The following XDH variants were observed in gnomAD, a reference collection of about 807,000 sequenced individuals.
The protein encoded by XDH is xanthine dehydrogenase/oxidase.
A neutral mutation model predicts 156.1 loss-of-function variants in XDH; 138 were observed. The observed-to-expected ratio is 0.88, with a 90% CI of 0.77 to 1.02. The LOEUF (loss-of-function observed/expected upper bound fraction) is 1.02. Among genes scored for constraint, XDH ranks in the 50% least tolerant of loss-of-function variants. The pLI, the probability that XDH is intolerant of heterozygous loss-of-function variation, is 0.00. For missense variants in XDH, 1,849 were observed against 1,684.9 expected, an observed-to-expected ratio of 1.10 and a Z score of -1.71; for synonymous variants, 669 against 625.7, an observed-to-expected ratio of 1.07 and a Z score of -1.03.
intron 24 of XDH, among the ~76,000 whole-genome samples, chr2:31,363,832 G>T (rs576204139): frequency 6.6e-6 from 1 of 151,976 alleles, no homozygotes; most frequent in African/African-American, 2.4e-5. Flanking sequence ...ATTAGTATTA[G>T]TTTATATGTT....
chr2:31,398,334 A>G (rs1243143106), intron 5 of XDH, among the ~76,000 whole-genome samples: 2 of 152,216 alleles, frequency 1.3e-5, no homozygotes, highest in Non-Finnish European at 2.9e-5. Context: ...AGGCAGACAG[A>G]CACCTCAGAA....
At chr2:31,396,191 TC>T (rs1419439585) in intron 6 of XDH, among the ~76,000 whole-genome samples, 1 of 152,226 alleles carries the variant, frequency 6.6e-6, no homozygotes, top group Non-Finnish European at 1.5e-5. Context: ...CTTGCTCTGC[TC>T]TGCACTGCAG....
chr2:31,377,830 G>C (rs1289467781), intron 13 of XDH, among the ~76,000 whole-genome samples: 1 of 150,786 alleles, frequency 6.6e-6, no homozygotes, highest in Admixed American at 6.6e-5. Context: ...GACCAGCCTA[G>C]GCAACATAGT....
intron 4 of XDH, among the ~76,000 whole-genome samples, chr2:31,399,006 T>A (rs941280390): frequency 4.6e-5 from 7 of 152,216 alleles, no homozygotes; most frequent in Non-Finnish European, 8.8e-5. Flanking sequence ...AGTCAGCCAG[T>A]GTTAGCTATG....
At chr2:31,391,912 G>C (rs1289770561) in intron 6 of XDH, among the ~76,000 whole-genome samples, 2 of 152,156 alleles carry the variant, frequency 1.3e-5, no homozygotes, top group Non-Finnish European at 1.5e-5. Flanking sequence ...TGTTTGATAG[G>C]ATTTACCAGT....
intron 1 of XDH, among the ~76,000 whole-genome samples, chr2:31,412,215 G>C (rs957641436): frequency 1.1e-4 from 16 of 152,126 alleles, no homozygotes; most frequent in African/African-American, 3.9e-4. Context: ...TCTGACTCTA[G>C]AACAAAAGAA....
intron 31 of XDH, among the ~76,000 whole-genome samples, chr2:31,343,793 A>C (rs904261920): frequency 2.2e-4 from 32 of 143,748 alleles, no homozygotes; most frequent in African/African-American, 8.0e-4. Flanking sequence ...TTTATGCCTT[A>C]TATGTATAAA....
chr2:31,395,988 T>C lies in XDH; in HGVS notation c.495+1680A>G, dbSNP rs144393712. On this transcript the variant is annotated intron_variant, in intron 6 of 35. Transcript: ENST00000379416. The stretch of plus-strand genomic sequence containing the variant: ...TCGCCGTGAGCAGTGTGCCCACCTC[T>C]AGTTGACCCTCCACACGCTTTCTAG... Among the ~76,000 whole-genome samples the C allele has an allele frequency of 1.5e-3, 233 of 152,328 alleles. 3 individuals carry two copies. Among genetic ancestry groups the C allele is most frequent in the Admixed American group, 5.1e-3 (78 of 15,300 alleles).
intron 3 of XDH, among the ~76,000 whole-genome samples, chr2:31,401,919 G>T (rs754971657): frequency 4.6e-5 from 7 of 152,194 alleles, no homozygotes; most frequent in Non-Finnish European, 1.0e-4. Flanking sequence ...CAGGCACTCT[G>T]CTGAGGGCTG....
At chr2:31,362,251 G>A (rs1685798460) in intron 24 of XDH, among the ~76,000 whole-genome samples, 1 of 152,066 alleles carries the variant, frequency 6.6e-6, no homozygotes, top group Non-Finnish European at 1.5e-5. Context: ...GGGAGCAGAT[G>A]TACTAGTGGA....
rs1685146635 is a variant in XDH, at chr2:31,342,316, G to A, written c.3405-19C>T. On this transcript the variant is annotated intron_variant, in intron 31 of 35. Transcript: ENST00000379416. ...GGGTGTTCTGGGAGAGGAAAGAGAAGGTACTGCACATGTATTAACATGAAC... is the reference window on the plus strand; with the variant it reads ...GGGTGTTCTGGGAGAGGAAAGAGAAAGTACTGCACATGTATTAACATGAAC... 5.6e-6 allele frequency: 9 copies of A among 1,600,762 alleles called. No homozygotes were observed. Among genetic ancestry groups the A allele is most frequent in the Non-Finnish European group, 6.8e-6 (8 of 1,168,612 alleles).
At chr2:31,360,164 T>C (rs191433078) in intron 24 of XDH, among the ~76,000 whole-genome samples, 8 of 152,344 alleles carry the variant, frequency 5.3e-5, no homozygotes, top group Admixed American at 2.6e-4. Flanking sequence ...GGTCCAAACA[T>C]ATTATGTGGA....
chr2:31,350,839 T>A (rs1261870679), intron 24 of XDH, among the ~76,000 whole-genome samples: 1 of 152,214 alleles, frequency 6.6e-6, no homozygotes, highest in Non-Finnish European at 1.5e-5. Context: ...GAAACAGCCA[T>A]GAAAGTTGTA....
chr2:31,402,792 G>T (rs921932072), intron 3 of XDH, among the ~76,000 whole-genome samples: 10 of 152,124 alleles, frequency 6.6e-5, no homozygotes, highest in African/African-American at 9.7e-5. Flanking sequence ...CTATTGAAGG[G>T]CTTTATGGAA....
In XDH at chr2:31,383,094, A is replaced by G. The variant is rs759232587; in HGVS notation, c.945T>C (p.Ala315=). The change falls in exon 11 of 36, where the codon GCT becomes GCC. Residue 315 remains alanine (A), a synonymous_variant. Transcript: ENST00000379416. The stretch of plus-strand genomic sequence containing the variant: ...TCTTTTGGGCAGGAAGCTTAGCAAC[A>G]GCATCCACCAGGGTTTTTTCCACAA... The part of the protein sequence containing the change: ...LSIVEKTLVD[A]VAKLPAQKTE... The G allele has an allele frequency of 1.9e-6, 3 of 1,614,196 alleles. No individual in the cohort carries two copies. The highest frequency in any genetic ancestry group is 2.5e-6 in the Non-Finnish European group (3 of 1,180,030).
chr2:31,346,947 A>G (rs927738815), intron 29 of XDH, 104 bp from the exon 30 acceptor site: 1 of 1,473,086 alleles, frequency 6.8e-7, no homozygotes, highest in Non-Finnish European at 9.5e-7. Flanking sequence ...GCAATGCTGT[A>G]CCCAGGGTGC....
intron 6 of XDH, among the ~76,000 whole-genome samples, chr2:31,394,906 C>T (rs72790646): frequency 0.024 from 3,670 of 152,256 alleles, 70 homozygotes; most frequent in Non-Finnish European, 0.036. Flanking sequence ...AATTTCCGTT[C>T]TCTGCTTACA....
At chr2:31,408,168 C>T (rs1308311579) in intron 1 of XDH, among the ~76,000 whole-genome samples, 1 of 152,198 alleles carries the variant, frequency 6.6e-6, no homozygotes, top group African/African-American at 2.4e-5. Context: ...TACTTCCCTG[C>T]CAAGCTGGTC....
chr2:31,409,012 A>G (rs1282082460), intron 1 of XDH, among the ~76,000 whole-genome samples: 1 of 152,234 alleles, frequency 6.6e-6, no homozygotes, highest in Non-Finnish European at 1.5e-5. Flanking sequence ...GCTGGAGGTC[A>G]TTACGTTAAG....
Sources: gnomAD v4.1 joint callset for allele counts (sites outside exome capture counted in the v4.1 genomes callset) on GRCh38, gnomAD v4.1.1 for gene constraint, MANE v1.5 for transcripts, NCBI Gene and HGNC (gene_info 2026-07-23, HGNC 2026-07-21) for gene names.